Variants in NTRK2 observed in about 807,000 individuals in gnomAD.
NTRK2 encodes the protein neurotrophic receptor tyrosine kinase 2.
In NTRK2, 13 loss-of-function variants were observed where a neutral mutation model predicts 94.5. That is an observed-to-expected ratio of 0.14 (90% CI 0.09 to 0.22). The LOEUF is 0.22. Among genes scored for constraint, NTRK2 ranks in the 10% least tolerant of loss-of-function variants. NTRK2 has a pLI of 1.00. For synonymous variants in NTRK2, 372 were observed against 407.4 expected (o/e 0.91, Z 1.05); for missense variants, 639 against 1,071.2 (o/e 0.60, Z 5.63).
intron 17 of NTRK2, among the ~76,000 whole-genome samples, chr9:84,975,127 G>A (rs1826665409): frequency 6.6e-6 from 1 of 152,114 alleles, no homozygotes; most frequent in Non-Finnish European, 1.5e-5. Flanking sequence ...GGCCACCCAG[G>A]GGCAGTTCTC....
intron 16 of NTRK2, 85 bp downstream of exon 16, chr9:84,948,719 AC>A (rs2078680044): frequency 2.5e-6 from 3 of 1,203,920 alleles, no homozygotes; most frequent in Non-Finnish European, 3.6e-6. Context: ...GGAACAAGGG[AC>A]CCCTGGACCT....
chr9:84,966,107 A>G (rs1825527568), intron 17 of NTRK2, among the ~76,000 whole-genome samples: 1 of 152,302 alleles, frequency 6.6e-6, no homozygotes, highest in Admixed American at 6.5e-5. Context: ...ACTAGTTTAA[A>G]TTTGACTCCA....
At position 84,839,035 on chromosome 9, in the gene NTRK2, CACTT is replaced by C. The variant is rs997402156; in HGVS notation, c.1397-22004_1397-22001del. ...TAATTCTTTGAAAAATAAATGACCT[CACTT>C]TCTTTATGACTATAGTAATTAACAC... On this transcript the variant is annotated intron_variant, in intron 12 of 18. Coordinates refer to ENST00000277120, the MANE Select transcript of NTRK2 (RefSeq NM_006180.6). 2.4e-4 allele frequency among the ~76,000 whole-genome samples: 36 copies of C among 152,132 alleles called. 1 individual carries two copies. The highest frequency in any genetic ancestry group is 8.4e-4 in the African/African-American group (35 of 41,430).
At chr9:84,968,624 C>T (rs1006182570) in intron 17 of NTRK2, among the ~76,000 whole-genome samples, 1 of 152,166 alleles carries the variant, frequency 6.6e-6, no homozygotes. Context: ...TGGATTTATT[C>T]TCACTTTCAA....
chr9:84,993,002 G>T (rs1209153280), intron 17 of NTRK2, among the ~76,000 whole-genome samples: 3 of 151,526 alleles, frequency 2.0e-5, no homozygotes, highest in African/African-American at 7.3e-5. Flanking sequence ...AAGCCAATAG[G>T]CATTTCCAGT....
At chr9:84,814,323 C>G in intron 12 of NTRK2, 1 of 1,065,302 alleles carries the variant, frequency 9.4e-7, no homozygotes, top group Non-Finnish European at 1.1e-6. Context: ...GAGTAAATAG[C>G]TCGAAGAGCT....
At chr9:84,872,554 T>G (rs569855158) in intron 14 of NTRK2, 1 of 1,064,650 alleles carries the variant, frequency 9.4e-7, no homozygotes, top group Non-Finnish European at 1.1e-6. Context: ...CCTCTTCATG[T>G]GCCTAGGGCT....
intron 12 of NTRK2, among the ~76,000 whole-genome samples, chr9:84,797,697 TTA>T (rs2069648577): frequency 1.2e-5 from 1 of 81,934 alleles, no homozygotes; most frequent in Non-Finnish European, 2.2e-5. Flanking sequence ...AATATATATA[TTA>T]TATATACTAT....
intron 12 of NTRK2, among the ~76,000 whole-genome samples, chr9:84,774,045 A>G (rs372718502): frequency 4.6e-5 from 7 of 151,980 alleles, no homozygotes; most frequent in Non-Finnish European, 7.4e-5. Context: ...GCCCTCCCCT[A>G]TGGCCTGGTT....
chr9:84,907,877 C>T (rs2077122332), intron 14 of NTRK2, among the ~76,000 whole-genome samples: 1 of 152,158 alleles, frequency 6.6e-6, no homozygotes, highest in South Asian at 2.1e-4. Context: ...CAAATTCTTA[C>T]ATAAAGGTCA....
At chr9:84,673,384 T>C (rs956807929) in intron 2 of NTRK2, among the ~76,000 whole-genome samples, 1 of 152,214 alleles carries the variant, frequency 6.6e-6, no homozygotes, top group Non-Finnish European at 1.5e-5. Context: ...TGGAACCAAA[T>C]TATACATATT....
intron 14 of NTRK2, among the ~76,000 whole-genome samples, chr9:84,932,242 G>A (rs1480422918): frequency 6.6e-6 from 1 of 152,192 alleles, no homozygotes; most frequent in African/African-American, 2.4e-5. Flanking sequence ...TGGTATAAGG[G>A]AAATAATTCA....
intron 12 of NTRK2, among the ~76,000 whole-genome samples, chr9:84,795,533 A>C (rs937794497): frequency 6.6e-6 from 1 of 151,908 alleles, no homozygotes; most frequent in African/African-American, 2.4e-5. Context: ...AGAAGAGGGG[A>C]CCTATGTGTG....
intron 17 of NTRK2, among the ~76,000 whole-genome samples, chr9:85,019,058 C>T (rs1346475863): frequency 1.3e-5 from 2 of 152,186 alleles, no homozygotes; most frequent in Non-Finnish European, 2.9e-5. Context: ...CTGGGAATCA[C>T]CAAGCATGTT....
At chr9:84,696,320 A>C (rs1215284593) in intron 2 of NTRK2, among the ~76,000 whole-genome samples, 1 of 152,256 alleles carries the variant, frequency 6.6e-6, no homozygotes, top group Non-Finnish European at 1.5e-5. Flanking sequence ...TATCACTTAA[A>C]TAAATAAGTA....
At chr9:84,781,246 T>C (rs929548800) in intron 12 of NTRK2, among the ~76,000 whole-genome samples, 2 of 152,316 alleles carry the variant, frequency 1.3e-5, no homozygotes, top group Admixed American at 1.3e-4. Context: ...GGGCAATTCC[T>C]GCCTCTGTAG....
Position 85,026,942 on chromosome 9 carries a change from AG to A in NTRK2, c.*5506del. 1 of 232,126 alleles carries A rather than the reference AG, an allele frequency of 4.3e-6. No homozygotes were observed. The highest frequency in any genetic ancestry group is 8.5e-6 in the Non-Finnish European group (1 of 117,432). 14.4% of individuals were successfully genotyped at this position (232,126 alleles called of 1,614,324 possible). A position where few individuals can be genotyped will look rare whatever the true frequency, so the allele number is the denominator to read the frequency against. Reference sequence around the variant, plus strand: ...TGAATACAGTGTTTAAAAAAAAAAAAGTTTTGTTTGTAAATCATGTGACCAG... The same window carrying A: ...TGAATACAGTGTTTAAAAAAAAAAAATTTTGTTTGTAAATCATGTGACCAG... On this transcript the variant is annotated 3_prime_UTR_variant, in exon 19 of 19. Transcript: ENST00000277120.
chr9:84,678,360 T>A (rs144348736), intron 2 of NTRK2, among the ~76,000 whole-genome samples: 2 of 152,338 alleles, frequency 1.3e-5, no homozygotes, highest in East Asian at 3.9e-4. Context: ...TTTGATATCT[T>A]CTCAACATAA....
chr9:84,822,170 A>C (rs978927316), intron 12 of NTRK2, among the ~76,000 whole-genome samples: 1 of 152,152 alleles, frequency 6.6e-6, no homozygotes, highest in African/African-American at 2.4e-5. Flanking sequence ...AGGCTATTTC[A>C]GGGGGTCTCC....
Sources: allele counts gnomAD v4.1 joint callset (sites outside exome capture counted in the v4.1 genomes callset), GRCh38; gene constraint gnomAD v4.1.1; transcripts MANE v1.5; gene names NCBI Gene and HGNC (gene_info 2026-07-23, HGNC 2026-07-21).